FRMPD4: variants seen among roughly 807,000 people sequenced by gnomAD.
FRMPD4 encodes the protein FERM and PDZ domain-containing protein 4.
In FRMPD4, 22 loss-of-function variants were observed where a neutral mutation model predicts 94.1. The observed-to-expected ratio is 0.23, with a 90% CI of 0.17 to 0.33. FRMPD4 has a LOEUF of 0.33. Ranked by LOEUF, FRMPD4 falls within the 10% of genes least tolerant of loss-of-function variation. The pLI is 1.00. For synonymous variants in FRMPD4, 631 were observed against 548.6 expected (o/e 1.15, Z -2.10); for missense variants, 1,111 against 1,339.9 (o/e 0.83, Z 2.67).
intron 3 of FRMPD4, among the ~76,000 whole-genome samples, chrX:12,047,838 A>G (rs1158082201): frequency 1.8e-5 from 2 of 112,236 alleles, no homozygotes; most frequent in African/African-American, 3.2e-5. Context: ...ATTCTTTTTT[A>G]TAGCTGCATA....
At chrX:12,592,471 A>G (rs2058992312) in intron 2 of FRMPD4, among the ~76,000 whole-genome samples, 1 of 112,154 alleles carries the variant, frequency 8.9e-6, no homozygotes, top group Non-Finnish European at 1.9e-5. Flanking sequence ...CTCCAGTGTA[A>G]TTCTGTAACT....
At chrX:11,926,922 T>C (rs1431838241) in intron 3 of FRMPD4, among the ~76,000 whole-genome samples, 1 of 111,019 alleles carries the variant, frequency 9.0e-6, no homozygotes, top group Non-Finnish European at 1.9e-5. Context: ...CAGAAAGAAA[T>C]AAATGGTATC....
intron 1 of FRMPD4, among the ~76,000 whole-genome samples, chrX:12,490,638 A>G (rs1224467852): frequency 1.8e-5 from 2 of 111,699 alleles, no homozygotes; most frequent in African/African-American, 6.5e-5. Flanking sequence ...TATTAGTCCT[A>G]GTTTTCAGAG....
chrX:12,270,464 T>C (rs2147843768), intron 1 of FRMPD4, among the ~76,000 whole-genome samples: 1 of 111,450 alleles, frequency 9.0e-6, no homozygotes, highest in South Asian at 3.8e-4. Flanking sequence ...AGTCTTGATA[T>C]TGCAATTAAG....
chrX:11,988,467 C>A lies in FRMPD4; in HGVS notation c.95+110449C>A, dbSNP rs1211968273. On this transcript the variant is annotated intron_variant, in intron 3 of 18. Transcript: ENST00000640291. The stretch of plus-strand genomic sequence containing the variant: ...ATGGATTAAAGACTTAAATCTAAGA[C>A]CTCAAACTATGAAACTACTACAAGA... Among the ~76,000 whole-genome samples the A allele has an allele frequency of 1.3e-4, 15 of 111,948 alleles. No homozygotes were observed. In the Admixed American group the frequency reaches 1.4e-3, roughly 11 times the overall value.
chrX:12,569,019 G>GT (rs749956812), intron 2 of FRMPD4, among the ~76,000 whole-genome samples: 1 of 111,360 alleles, frequency 9.0e-6, no homozygotes, highest in Non-Finnish European at 1.9e-5. Flanking sequence ...TTGGGAGTAG[G>GT]TTTTTTATTA....
At chrX:12,148,342 T>G (rs774645464) in intron 1 of FRMPD4, among the ~76,000 whole-genome samples, 51 of 112,269 alleles carry the variant, frequency 4.5e-4, no homozygotes, top group African/African-American at 1.6e-3. Flanking sequence ...GTTTGAGTGG[T>G]CTGGATAGAA....
At chrX:11,924,020 A>C (rs1448938751) in intron 3 of FRMPD4, among the ~76,000 whole-genome samples, 1 of 112,191 alleles carries the variant, frequency 8.9e-6, no homozygotes, top group African/African-American at 3.2e-5. Context: ...CAATGCAACG[A>C]AGCTAAAAAT....
intron 1 of FRMPD4, among the ~76,000 whole-genome samples, chrX:12,376,391 C>T (rs1225527675): frequency 8.9e-6 from 1 of 112,515 alleles, no homozygotes; most frequent in East Asian, 2.8e-4. Context: ...CCTTCCCTAT[C>T]ACCACTCATG....
intron 1 of FRMPD4, among the ~76,000 whole-genome samples, chrX:12,214,595 T>C (rs892321446): frequency 8.9e-6 from 1 of 112,559 alleles, no homozygotes; most frequent in Non-Finnish European, 1.9e-5. Flanking sequence ...ATAACACAAA[T>C]GACAGAGAAT....
intron 8 of FRMPD4, among the ~76,000 whole-genome samples, chrX:12,690,714 C>T (rs1397433541): frequency 8.9e-6 from 1 of 111,792 alleles, no homozygotes; most frequent in East Asian, 2.8e-4. Flanking sequence ...ATTTAGTTGT[C>T]TGAAATTCTG....
intron 1 of FRMPD4, among the ~76,000 whole-genome samples, chrX:12,310,371 G>A (rs2055012872): frequency 2.7e-5 from 3 of 110,978 alleles, no homozygotes; most frequent in Admixed American, 1.9e-4. Flanking sequence ...GTGGGGCAGG[G>A]CATATTCACT....
At chrX:12,378,908 ATTC>A (rs2056279416) in intron 1 of FRMPD4, among the ~76,000 whole-genome samples, 1 of 111,981 alleles carries the variant, frequency 8.9e-6, no homozygotes, top group South Asian at 3.7e-4. Context: ...GAATTAGTAC[ATTC>A]TTTGCTGCCT....
chrX:12,618,850 T>A (rs190288166), intron 4 of FRMPD4, among the ~76,000 whole-genome samples: 1 of 111,677 alleles, frequency 9.0e-6, no homozygotes, highest in Non-Finnish European at 1.9e-5. Context: ...AAGTTCTGCA[T>A]ACAATATTAG....
intron 4 of FRMPD4, among the ~76,000 whole-genome samples, chrX:12,662,205 T>A (rs1354721443): frequency 9.0e-6 from 1 of 111,318 alleles, no homozygotes; most frequent in Non-Finnish European, 1.9e-5. Flanking sequence ...TTTTCTTTTT[T>A]AATATTTTTA....
At chrX:12,384,564 G>A (rs755163273) in intron 1 of FRMPD4, among the ~76,000 whole-genome samples, 1 of 111,545 alleles carries the variant, frequency 9.0e-6, no homozygotes, top group Non-Finnish European at 1.9e-5. Flanking sequence ...AGACCTGGAT[G>A]AAGCCTTGGT....
Position 12,575,419 on chromosome X carries a change from A to C in FRMPD4, c.159-34302A>C, listed in dbSNP as rs766824704. Among the ~76,000 whole-genome samples, 6 of 109,727 alleles carry C rather than the reference A, an allele frequency of 5.5e-5. No homozygotes were observed. In the South Asian group the frequency reaches 2.4e-3, roughly 45 times the overall value. On this transcript the variant is annotated intron_variant, in intron 2 of 16. Coordinates refer to ENST00000675598, the MANE Select transcript of FRMPD4 (RefSeq NM_001368397.1). ...AGGTGGATGATGCTAACATTCTTAG[A>C]ATCAAGCCAAGTTAGAGCTTCAAGG... is the stretch of plus-strand genomic sequence containing the variant.
At chrX:12,203,186 G>A (rs1317167586) in intron 1 of FRMPD4, among the ~76,000 whole-genome samples, 1 of 111,528 alleles carries the variant, frequency 9.0e-6, no homozygotes, top group Non-Finnish European at 1.9e-5. Flanking sequence ...TCAAGATCGA[G>A]TGAAGTAAGA....
intron 1 of FRMPD4, among the ~76,000 whole-genome samples, chrX:12,496,084 T>G (rs778873679): frequency 8.9e-6 from 1 of 112,281 alleles, no homozygotes; most frequent in East Asian, 2.8e-4. Flanking sequence ...TAGCAAGAAC[T>G]AGTATTTCCC....
Sources: gnomAD v4.1 joint callset for allele counts (sites outside exome capture counted in the v4.1 genomes callset) on GRCh38, gnomAD v4.1.1 for gene constraint, MANE v1.5 for transcripts, NCBI Gene and HGNC (gene_info 2026-07-23, HGNC 2026-07-21) for gene names.